TSC22D4: variants seen among roughly 807,000 people sequenced by gnomAD.
The protein encoded by TSC22D4 is TSC22 domain family protein 4.
TSC22D4 carries 5 observed loss-of-function variants against 24.9 expected under a neutral mutation model. That is an observed-to-expected ratio of 0.20 (90% CI 0.10 to 0.42). The LOEUF is 0.42. TSC22D4 is among the 10% of genes least tolerant of loss of function. The pLI, the probability that TSC22D4 is intolerant of heterozygous loss-of-function variation, is 1.00. For synonymous variants in TSC22D4, 245 were observed against 243.2 expected (o/e 1.01, Z -0.07); for missense variants, 469 against 547.9 (o/e 0.86, Z 1.44).
chr7:100,472,183 C>T (rs1799404443), intron 3 of TSC22D4, among the ~76,000 whole-genome samples: 1 of 152,148 alleles, frequency 6.6e-6, no homozygotes, highest in South Asian at 2.1e-4. Flanking sequence ...GAGAGAGGTC[C>T]CAGGCCACTG....
At chr7:100,472,625 T>C (rs981105235) in intron 3 of TSC22D4, among the ~76,000 whole-genome samples, 1 of 151,814 alleles carries the variant, frequency 6.6e-6, no homozygotes, top group Admixed American at 6.6e-5. Context: ...CAGGTGACTC[T>C]CCCAGCCCTG....
At chr7:100,478,401 G>GTGTGTGAA (rs1799559099) in intron 1 of TSC22D4, 94 bp from the exon 2 acceptor site, 4 of 223,202 alleles carry the variant, frequency 1.8e-5, no homozygotes, top group Admixed American at 5.5e-5. Flanking sequence ...GTGTGTGTGT[G>GTGTGTGAA]AAACCAGTGG....
rs767928035 is a variant in TSC22D4 at position 100,474,361 on chromosome 7, T to C, written c.842A>G (p.Asp281Gly). The C allele has an allele frequency of 1.2e-6, 2 of 1,613,702 alleles. No homozygotes were observed. The highest frequency in any genetic ancestry group is 1.7e-6 in the Non-Finnish European group (2 of 1,179,934). Residue 281 changes from aspartate (D) to glycine (G), a missense_variant, in exon 3 of 5, where the codon GAC (aspartate) becomes GGC (glycine). Transcript: ENST00000300181. This position sits in a 1 kb window ranked among gnomAD's most constrained non-coding sequence, Gnocchi z 4.3. ...HDASLVHKSP[D>G]PFGAVAAQKF... ...CTGAGCTGCTACTGCTCCGAAGGGG[T>C]CTGGAGATTTGTGAACCAGGCTGGC...
chr7:100,476,143 T>G (rs1285536154), intron 2 of TSC22D4, among the ~76,000 whole-genome samples: 2 of 149,244 alleles, frequency 1.3e-5, no homozygotes. Context: ...CAAGGGGGTT[T>G]GCTTTGGAAG....
chr7:100,476,275 T>C (rs1358340219), intron 2 of TSC22D4, among the ~76,000 whole-genome samples: 1 of 149,210 alleles, frequency 6.7e-6, no homozygotes, highest in Admixed American at 6.7e-5. Context: ...AGATGTGAGC[T>C]TGAGGCCAGG....
chr7:100,466,623 G>A lies in TSC22D4; in HGVS notation c.*336C>T. The A allele has an allele frequency of 3.0e-6, 1 of 338,374 alleles. No individual in the cohort carries two copies. The highest frequency in any genetic ancestry group is 5.4e-6 in the Non-Finnish European group (1 of 184,892). 21.0% of individuals were successfully genotyped at this position (338,374 alleles called of 1,614,324 possible). ...CACTCCCTCCCCTGGGCAGAGGAGA[G>A]GAGGCACCTCAAGGGAACAAGATGG... On this transcript the variant is annotated 3_prime_UTR_variant, in exon 5 of 5. Transcript: ENST00000300181.
At position 100,473,432 on chromosome 7, in the gene TSC22D4, T is replaced by C. The variant is rs1280362086; in HGVS notation, c.929+842A>G. On this transcript the variant is annotated intron_variant, in intron 3 of 4. Coordinates refer to ENST00000300181, the MANE Select transcript of TSC22D4 (RefSeq NM_030935.5). The stretch of plus-strand genomic sequence containing the variant: ...TGGGAGGAAACTGATTTCCATTCTT[T>C]TTCAGTTTTTTTTGTTGTTTTTTTT... 2.6e-5 allele frequency among the ~76,000 whole-genome samples: 4 copies of C among 151,998 alleles called. No homozygotes were observed. The East Asian group carries it at 5.8e-4, about 22-fold the overall frequency.
At position 100,477,627 on chromosome 7, in the gene TSC22D4, G is replaced by A. The variant is rs142103586; in HGVS notation, c.412C>T (p.Pro138Ser). Residue 138 changes from proline to serine, a missense_variant, in exon 2 of 5, where the codon CCC (proline) becomes TCC (serine). Physicochemically the swap from Pro to Ser is moderately conservative, Grantham distance 74. Transcript: ENST00000300181. This position sits in a 1 kb window ranked among gnomAD's most constrained non-coding sequence, Gnocchi z 7.8. ...TGAGACAGGCCTGACGGTGGGGTGGGGGCGCCCAGGCCGAGGCTGGCCAGC... is the reference window on the plus strand; with the variant it reads ...TGAGACAGGCCTGACGGTGGGGTGGAGGCGCCCAGGCCGAGGCTGGCCAGC... ...LELASLGLGA[P>S]TPPSGLSQGP... The A allele has an allele frequency of 6.5e-5, 104 of 1,597,170 alleles. No homozygotes were observed. In the Middle Eastern group the frequency reaches 9.9e-4, roughly 15 times the overall value.
Position 100,477,407 on chromosome 7 carries a change from G to C in TSC22D4, c.632C>G (p.Thr211Arg). The C allele has an allele frequency of 6.3e-7, 1 of 1,595,494 alleles. No individual in the cohort carries two copies. The highest frequency in any genetic ancestry group is 1.1e-5 in the South Asian group (1 of 88,692). Residue 211 changes from threonine (T) to arginine (R), a missense_variant, in exon 2 of 5, where the codon ACG (threonine) becomes AGG (arginine). Transcript: ENST00000300181. The surrounding 1 kb of genome is among the most constrained non-coding windows in gnomAD (Gnocchi z 7.8). ...GESAGTSRAA[T>R]PLPSLRVEAE... The stretch of plus-strand genomic sequence containing the variant: ...TTCCACCCTCAGAGAGGGCAGGGGC[G>C]TGGCAGCCCGGGATGTGCCCGCACT...
chr7:100,468,501 C>G (rs1799332846), intron 3 of TSC22D4, among the ~76,000 whole-genome samples: 1 of 152,146 alleles, frequency 6.6e-6, no homozygotes, highest in Non-Finnish European at 1.5e-5. Flanking sequence ...CATGAGCGCT[C>G]TCCCACCAAA....
At position 100,466,863 on chromosome 7, in the gene TSC22D4, G is replaced by A. The variant is rs958515801; in HGVS notation, c.*96C>T. On this transcript the variant is annotated 3_prime_UTR_variant, in exon 5 of 5. Coordinates refer to ENST00000300181, the MANE Select transcript of TSC22D4 (RefSeq NM_030935.5). ...TTACTGAGCCTTGAACTCCCACCCC[G>A]GGGACACGGGGACATTAAAGCTGCA... 6 of 1,247,022 alleles carry A rather than the reference G, an allele frequency of 4.8e-6. No homozygotes were observed. Among genetic ancestry groups the A allele is most frequent in the African/African-American group, 3.0e-5 (2 of 65,764 alleles). The allele number at this position is 1,247,022 out of a possible 1,614,324, so 77.2% of individuals were successfully genotyped here.
intron 4 of TSC22D4, 30 bp from the exon 5 acceptor site, chr7:100,467,198 A>T (rs1165371047): frequency 2.5e-6 from 4 of 1,610,444 alleles, no homozygotes; most frequent in Admixed American, 1.7e-5. Flanking sequence ...CACAGCGTCA[A>T]CGGGGTGGGT....
In TSC22D4 at chr7:100,474,097, G is replaced by T; in HGVS notation, c.929+177C>A. 1 of 730,018 alleles carries T rather than the reference G, an allele frequency of 1.4e-6. No individual in the cohort carries two copies. Among genetic ancestry groups the T allele is most frequent in the South Asian group, 1.8e-5 (1 of 54,194 alleles). 45.2% of individuals were successfully genotyped at this position (730,018 alleles called of 1,614,324 possible). A position where few individuals can be genotyped will look rare whatever the true frequency, so the allele number is the denominator to read the frequency against. ...CCACCCAGCCCTCTCCACAGAGAGG[G>T]AGTGGGTCCGAAATCAACTGTGTGC... On this transcript the variant is annotated intron_variant, in intron 3 of 4. Coordinates refer to ENST00000300181, the MANE Select transcript of TSC22D4 (RefSeq NM_030935.5). This position sits in a 1 kb window ranked among gnomAD's most constrained non-coding sequence, Gnocchi z 4.3.
intron 4 of TSC22D4, 76 bp downstream of exon 4, chr7:100,467,476 G>A: frequency 6.7e-7 from 1 of 1,503,098 alleles, no homozygotes; most frequent in Non-Finnish European, 9.2e-7. Context: ...TCCCTGGTAA[G>A]GAAGAGGACA....
rs1215271187 is a variant in TSC22D4, at chr7:100,467,570, G to A, written c.960C>T (p.Asn320=). 2 of 1,614,094 alleles carry A rather than the reference G, an allele frequency of 1.2e-6. No homozygotes were observed. Among genetic ancestry groups the A allele is most frequent in the Non-Finnish European group, 1.7e-6 (2 of 1,179,984 alleles). ...CTCTTACCATGGCTTGCTCGATTTT[G>A]TTGTCAATGCCAACCAGGCTTCCGG... The part of the protein sequence containing the change: ...SGSGSLVGID[N]KIEQAMDLVK... Residue 320 remains asparagine (N), a synonymous_variant, in exon 4 of 5, where the codon AAC becomes AAT. Coordinates refer to ENST00000300181, the MANE Select transcript of TSC22D4 (RefSeq NM_030935.5).
intron 3 of TSC22D4, among the ~76,000 whole-genome samples, chr7:100,471,801 A>T (rs973426529): frequency 2.0e-5 from 3 of 152,086 alleles, no homozygotes; most frequent in Non-Finnish European, 4.4e-5. Context: ...CAGATACTTC[A>T]TCTGGCAAGT....
At chr7:100,475,285 C>T (rs1362540659) in intron 2 of TSC22D4, among the ~76,000 whole-genome samples, 2 of 152,140 alleles carry the variant, frequency 1.3e-5, no homozygotes, top group Non-Finnish European at 2.9e-5. Flanking sequence ...CAGGGTTTCA[C>T]CATGTTGGCC....
chr7:100,476,166 G>T (rs182990445), intron 2 of TSC22D4, among the ~76,000 whole-genome samples: 1 of 150,886 alleles, frequency 6.6e-6, no homozygotes, highest in Non-Finnish European at 1.5e-5. Context: ...TCTGGGGACA[G>T]GACAGGAAGA....
chr7:100,477,796 C>T lies in TSC22D4; in HGVS notation c.243G>A (p.Leu81=). 1 of 1,607,384 alleles carries T rather than the reference C, an allele frequency of 6.2e-7. No individual in the cohort carries two copies. The highest frequency in any genetic ancestry group is 1.1e-5 in the South Asian group (1 of 90,940). ...RFRVVKLPHG[L]GEPYRRGRWT... ...AGCGACCGCGGCGATAAGGCTCTCC[C>T]AGGCCGTGGGGCAGCTTCACCACCC... The change falls in exon 2 of 5, where the codon CTG becomes CTA. Residue 81 remains leucine, a synonymous_variant. Coordinates refer to ENST00000300181, the MANE Select transcript of TSC22D4 (RefSeq NM_030935.5). This position sits in a 1 kb window ranked among gnomAD's most constrained non-coding sequence, Gnocchi z 7.8.
Sources: allele counts gnomAD v4.1 joint callset (sites outside exome capture counted in the v4.1 genomes callset), GRCh38; gene constraint gnomAD v4.1.1; non-coding constraint Gnocchi (gnomAD v3.1); transcripts MANE v1.5; gene names NCBI Gene and HGNC (gene_info 2026-07-23, HGNC 2026-07-21).